The following BCAR3 variants were observed in gnomAD, a reference collection of about 807,000 sequenced individuals.
BCAR3 encodes the protein breast cancer anti-estrogen resistance protein 3.
In BCAR3, 37 loss-of-function variants were observed where a neutral mutation model predicts 80.1. The observed-to-expected ratio is 0.46, with a 90% CI of 0.36 to 0.61. The LOEUF (loss-of-function observed/expected upper bound fraction) is 0.61. BCAR3 is among the 20% of genes least tolerant of loss of function. The pLI, the probability that BCAR3 is intolerant of heterozygous loss-of-function variation, is 0.00. For synonymous variants in BCAR3, 389 were observed against 418.9 expected (o/e 0.93, Z 0.87); for missense variants, 978 against 1,068.2 (o/e 0.92, Z 1.18).
chr1:93,571,939 G>T, intron 8 of BCAR3, 98 bp from the exon 9 acceptor site: 1 of 1,343,006 alleles, frequency 7.4e-7, no homozygotes, highest in Non-Finnish European at 1.0e-6. Flanking sequence ...TGTGCCATTT[G>T]CTCCTTTTGC....
At chr1:93,717,576 A>C (rs1241181063) in intron 2 of BCAR3, among the ~76,000 whole-genome samples, 2 of 152,142 alleles carry the variant, frequency 1.3e-5, no homozygotes, top group East Asian at 3.9e-4. Flanking sequence ...AATACAAAAA[A>C]AATTAGCTGG....
chr1:93,795,162 T>C (rs896639364), intron 2 of BCAR3, among the ~76,000 whole-genome samples: 1,756 of 87,650 alleles, frequency 0.02, 44 homozygotes, highest in Non-Finnish European at 0.025. Flanking sequence ...AGGAGTACCT[T>C]TGTGGCGTTC....
At chr1:93,640,380 C>A (rs1470851551) in intron 3 of BCAR3, among the ~76,000 whole-genome samples, 1 of 152,064 alleles carries the variant, frequency 6.6e-6, no homozygotes, top group Admixed American at 6.5e-5. Context: ...TCAACACATT[C>A]CCAAACCATC....
chr1:93,653,994 G>A (rs1647246564), intron 2 of BCAR3, among the ~76,000 whole-genome samples: 1 of 152,066 alleles, frequency 6.6e-6, no homozygotes, highest in Non-Finnish European at 1.5e-5. Context: ...TCTCTACCCA[G>A]AGCCACGATG....
intron 3 of BCAR3, among the ~76,000 whole-genome samples, chr1:93,623,444 G>A (rs1158440480): frequency 6.6e-6 from 1 of 152,128 alleles, no homozygotes; most frequent in African/African-American, 2.4e-5. Flanking sequence ...TGAATGACAT[G>A]AGACCAAACA....
At chr1:93,671,226 C>T (rs994902697) in intron 2 of BCAR3, among the ~76,000 whole-genome samples, 2 of 152,146 alleles carry the variant, frequency 1.3e-5, no homozygotes, top group Non-Finnish European at 1.5e-5. Flanking sequence ...AACTCCTGAC[C>T]TCGTGATCTG....
intron 8 of BCAR3, among the ~76,000 whole-genome samples, chr1:93,572,571 C>T (rs1242191892): frequency 1.3e-5 from 2 of 152,170 alleles, no homozygotes; most frequent in Non-Finnish European, 1.5e-5. Context: ...ATCTTTTCTC[C>T]GCATGACAAC....
intron 2 of BCAR3, among the ~76,000 whole-genome samples, chr1:93,767,523 CAA>C (rs58484557): frequency 5.9e-4 from 55 of 93,990 alleles, no homozygotes; most frequent in Non-Finnish European, 7.0e-4. Flanking sequence ...GACTCTGTCT[CAA>C]AAAAAAAAAA....
chr1:93,591,168 T>TGAAAAAAAA (rs1553229758), intron 4 of BCAR3, among the ~76,000 whole-genome samples: 1 of 66,344 alleles, frequency 1.5e-5, no homozygotes, highest in Non-Finnish European at 2.6e-5. Flanking sequence ...TCTACTACAT[T>TGAAAAAAAA]AAAAAAAAAA....
chr1:93,808,362 T>C (rs1380119821), intron 2 of BCAR3, among the ~76,000 whole-genome samples: 4 of 152,112 alleles, frequency 2.6e-5, no homozygotes, highest in Non-Finnish European at 5.9e-5. Context: ...TTTTGAGTAA[T>C]ATAGTATTTG....
chr1:93,614,781 CTTCCT>C (rs1675055574), intron 3 of BCAR3, among the ~76,000 whole-genome samples: 1 of 152,056 alleles, frequency 6.6e-6, no homozygotes, highest in South Asian at 2.1e-4. Flanking sequence ...TGTCCTATAC[CTTCCT>C]TTAAATCCTT....
At chr1:93,613,296 A>G (rs1429060105) in intron 3 of BCAR3, among the ~76,000 whole-genome samples, 1 of 152,232 alleles carries the variant, frequency 6.6e-6, no homozygotes, top group Non-Finnish European at 1.5e-5. Flanking sequence ...TAGTGTATTG[A>G]CATATTATAC....
At chr1:93,698,566 C>T (rs1468316680) in intron 3 of BCAR3, among the ~76,000 whole-genome samples, 1 of 152,168 alleles carries the variant, frequency 6.6e-6, no homozygotes, top group Admixed American at 6.5e-5. Flanking sequence ...AACCACGAGG[C>T]CTCCGTGGCC....
chr1:93,707,787 A>G (rs1052381280), intron 2 of BCAR3, among the ~76,000 whole-genome samples: 1 of 152,226 alleles, frequency 6.6e-6, no homozygotes, highest in Admixed American at 6.5e-5. Flanking sequence ...CTGAAGCTGG[A>G]CATTAGATCA....
Position 93,647,572 on chromosome 1 carries a change from C to T in BCAR3, c.318-5229G>A, listed in dbSNP as rs117316246. ...ATTTCCAACACTGCAAAAAGTTCTA[C>T]GGGACAGTGATATTCTAGAGAAAAC... On this transcript the variant is annotated intron_variant, in intron 2 of 11. Coordinates refer to ENST00000260502, the MANE Select transcript of BCAR3 (RefSeq NM_003567.4). Among the ~76,000 whole-genome samples the T allele has an allele frequency of 1.4e-3, 219 of 152,206 alleles. 2 individuals carry two copies. Among genetic ancestry groups the T allele is most frequent in the East Asian group, 9.6e-3 (50 of 5,186 alleles).
intron 2 of BCAR3, among the ~76,000 whole-genome samples, chr1:93,828,719 G>C (rs974122497): frequency 2.0e-5 from 3 of 151,736 alleles, no homozygotes; most frequent in Non-Finnish European, 4.4e-5. Context: ...TTTTGAGACA[G>C]GATCTTGCTC....
intron 8 of BCAR3, among the ~76,000 whole-genome samples, chr1:93,572,478 T>C (rs1206606226): frequency 6.6e-6 from 1 of 152,088 alleles, no homozygotes; most frequent in Non-Finnish European, 1.5e-5. Flanking sequence ...AAAATCGAAA[T>C]CTCATTTTCC....
intron 2 of BCAR3, among the ~76,000 whole-genome samples, chr1:93,731,501 G>A (rs1436364566): frequency 2.0e-5 from 3 of 151,938 alleles, no homozygotes; most frequent in East Asian, 1.9e-4. Flanking sequence ...GGCCTGCTCC[G>A]CCCTCCAATT....
At chr1:93,812,195 T>C (rs1343836475) in intron 2 of BCAR3, among the ~76,000 whole-genome samples, 1 of 152,220 alleles carries the variant, frequency 6.6e-6, no homozygotes, top group Non-Finnish European at 1.5e-5. Flanking sequence ...AATGGATTCT[T>C]TGTGTAATTC....
Sources: gnomAD v4.1 joint callset for allele counts (sites outside exome capture counted in the v4.1 genomes callset) on GRCh38, gnomAD v4.1.1 for gene constraint, MANE v1.5 for transcripts, NCBI Gene and HGNC (gene_info 2026-07-23, HGNC 2026-07-21) for gene names.